Variants in RANBP3L observed in about 807,000 individuals in gnomAD.
RANBP3L encodes ran-binding protein 3-like.
In RANBP3L, 56 loss-of-function variants were observed where a neutral mutation model predicts 67.2. The observed-to-expected ratio is 0.83, with a 90% CI of 0.67 to 1.04. The LOEUF (loss-of-function observed/expected upper bound fraction) is 1.04, where lower values mean the gene tolerates loss of function less well. Among genes scored for constraint, RANBP3L ranks in the 50% least tolerant of loss-of-function variants. The pLI is 0.00. For synonymous variants in RANBP3L, 164 were observed against 181.4 expected, an observed-to-expected ratio of 0.90 and a Z score of 0.77; for missense variants, 496 against 535.5, an observed-to-expected ratio of 0.93 and a Z score of 0.73.
At position 36,256,809 on chromosome 5, in the gene RANBP3L, AT is replaced by A. The variant is rs1277429075; in HGVS notation, c.903+131del. ...GGTTCAATTTTTGAGAGCATCCAAC[AT>A]TTTTATTTAAGCAACTTAGTCTCCA... On this transcript the variant is annotated intron_variant, in intron 10 of 13. Coordinates refer to ENST00000296604, the MANE Select transcript of RANBP3L (RefSeq NM_145000.5). The A allele has an allele frequency of 3.1e-5, 24 of 779,914 alleles. No homozygotes were observed. In the African/African-American group the frequency reaches 3.9e-4, roughly 13 times the overall value. 48.3% of individuals were successfully genotyped at this position (779,914 alleles called of 1,614,324 possible). A position where few individuals can be genotyped will look rare whatever the true frequency, so the allele number is the denominator to read the frequency against.
In RANBP3L at chr5:36,265,483, C is replaced by T; in HGVS notation, c.306G>A (p.Val102=). The part of the protein sequence containing the change: ...KNNVFMTSAL[V]QSSVDIKSAE... ...CACTCTTTATATCAACACTACTTTGCACAAGAGCTGATGTCATAAAAACAT... is the reference window on the plus strand; with the variant it reads ...CACTCTTTATATCAACACTACTTTGTACAAGAGCTGATGTCATAAAAACAT... The change falls in exon 5 of 14, where the codon GTG becomes GTA. Residue 102 remains valine (V), a synonymous_variant. Transcript: ENST00000296604. 6.2e-7 allele frequency: 1 copy of T among 1,605,858 alleles called. No homozygotes were observed. Among genetic ancestry groups the T allele is most frequent in the Non-Finnish European group, 8.5e-7 (1 of 1,174,426 alleles).
At position 36,248,452 on chromosome 5, in the gene RANBP3L, T is replaced by C. The variant is rs1286332933; in HGVS notation, c.*1202A>G. ...GCTGAAGTTTGACTTAATAAATACTTATATATTTTTATTATTTTATAACAG... is the reference window on the plus strand; with the variant it reads ...GCTGAAGTTTGACTTAATAAATACTCATATATTTTTATTATTTTATAACAG... On this transcript the variant is annotated 3_prime_UTR_variant, in exon 14 of 14. Transcript: ENST00000296604. 1.3e-5 allele frequency: 2 copies of C among 152,184 alleles called. No individual in the cohort carries two copies. Among genetic ancestry groups the C allele is most frequent in the African/African-American group, 2.4e-5 (1 of 41,470 alleles). The allele number at this position is 152,184 out of a possible 1,614,324, so 9.4% of individuals were successfully genotyped here.
At position 36,265,046 on chromosome 5, in the gene RANBP3L, A is replaced by C. The variant is rs1303252880; in HGVS notation, c.393T>G (p.Pro131=). 2 of 1,612,806 alleles carry C rather than the reference A, an allele frequency of 1.2e-6. No homozygotes were observed. Among genetic ancestry groups the C allele is most frequent in the African/African-American group, 2.7e-5 (2 of 74,892 alleles). The change falls in exon 6 of 14, where the codon CCT becomes CCG. Residue 131 remains proline, a synonymous_variant. Coordinates refer to ENST00000296604, the MANE Select transcript of RANBP3L (RefSeq NM_145000.5). The stretch of plus-strand genomic sequence containing the variant: ...TTACTTTTGCACAACTTCGAGCTTG[A>C]GGTAGCTGCAAAATAGCAGGTCTAA... ...HVIRPAILQL[P]QARSCAKVRK...
At chr5:36,273,357 G>C (rs1750357160) in intron 1 of RANBP3L, among the ~76,000 whole-genome samples, 1 of 152,160 alleles carries the variant, frequency 6.6e-6, no homozygotes, top group Non-Finnish European at 1.5e-5. Flanking sequence ...GTCACAAAGA[G>C]TACTTGCAGC....
intron 5 of RANBP3L, 70 bp downstream of exon 5, chr5:36,265,379 A>G (rs779576340): frequency 4.5e-5 from 46 of 1,015,644 alleles, no homozygotes; most frequent in Middle Eastern, 2.1e-4. Flanking sequence ...ACACGCACAC[A>G]TATAGGGAGA....
chr5:36,295,609 A>G (rs1752150915), intron 1 of RANBP3L, among the ~76,000 whole-genome samples: 1 of 149,750 alleles, frequency 6.7e-6, no homozygotes, highest in Non-Finnish European at 1.5e-5. Context: ...CCACCATTTT[A>G]TCTCCTGCAA....
intron 8 of RANBP3L, 31 bp downstream of exon 8, chr5:36,260,749 A>G (rs1231420473): frequency 2.1e-6 from 2 of 938,238 alleles, no homozygotes; most frequent in Admixed American, 2.0e-5. Flanking sequence ...AGCTCTGTAT[A>G]TAGTAATAGA....
At chr5:36,259,989 G>A (rs2111735021) in intron 8 of RANBP3L, among the ~76,000 whole-genome samples, 1 of 152,218 alleles carries the variant, frequency 6.6e-6, no homozygotes, top group Admixed American at 6.5e-5. Context: ...AAAGCACTAT[G>A]AATTTTCTCT....
chr5:36,281,687 T>G lies in RANBP3L; in HGVS notation c.92-10376A>C, dbSNP rs138996430. On this transcript the variant is annotated intron_variant, in intron 1 of 13. Transcript: ENST00000296604. ...TCTATAAAACACTGCAAGATGCTTC[T>G]GTTATTCTTGCCATTATTTGTACAC... Among the ~76,000 whole-genome samples, 370 of 152,324 alleles carry G rather than the reference T, an allele frequency of 2.4e-3. 1 individual carries two copies. Among genetic ancestry groups the G allele is most frequent in the African/African-American group, 8.4e-3 (351 of 41,582 alleles).
chr5:36,281,881 C>T (rs1038887805), intron 1 of RANBP3L, among the ~76,000 whole-genome samples: 3 of 152,120 alleles, frequency 2.0e-5, no homozygotes, highest in Non-Finnish European at 2.9e-5. Context: ...AATTTGAAGG[C>T]GTTACTTTGT....
chr5:36,271,001 T>G (rs1750168456), intron 2 of RANBP3L, among the ~76,000 whole-genome samples: 1 of 152,200 alleles, frequency 6.6e-6, no homozygotes, highest in South Asian at 2.1e-4. Flanking sequence ...CCTTTTCAAG[T>G]TACTCCAAAT....
intron 1 of RANBP3L, among the ~76,000 whole-genome samples, chr5:36,294,385 TTG>T (rs1163867096): frequency 6.6e-6 from 1 of 152,080 alleles, no homozygotes; most frequent in Non-Finnish European, 1.5e-5. Context: ...GAAGGGTTTT[TTG>T]TGTCTCTATT....
chr5:36,273,310 T>C (rs574530672), intron 1 of RANBP3L, among the ~76,000 whole-genome samples: 1 of 152,116 alleles, frequency 6.6e-6, no homozygotes, highest in Non-Finnish European at 1.5e-5. Flanking sequence ...ACTAAAAATG[T>C]GCAAAAGTGA....
rs750513007 is a variant in RANBP3L, at chr5:36,251,416, A to C, written c.1251T>G (p.Asp417Glu). The change falls in exon 13 of 14, where the codon GAT (aspartate) becomes GAG (glutamate). Residue 417 changes from aspartate to glutamate, a missense_variant. Transcript: ENST00000296604. Reference sequence around the variant, plus strand: ...CTGACAGGCTTTCAGCTTGATTGACATCTCTCTGCTTATTGAAGCTTTGAA... The same window carrying C: ...CTGACAGGCTTTCAGCTTGATTGACCTCTCTCTGCTTATTGAAGCTTTGAA... ...VALQSFNKQR[D>E]VNQAESLSET... is the part of the protein sequence containing the mutation. The C allele has an allele frequency of 6.2e-7, 1 of 1,613,268 alleles. No individual in the cohort carries two copies. Among genetic ancestry groups the C allele is most frequent in the Non-Finnish European group, 8.5e-7 (1 of 1,179,472 alleles).
Position 36,282,038 on chromosome 5 carries a change from A to G in RANBP3L, c.92-10727T>C, listed in dbSNP as rs554180840. On this transcript the variant is annotated intron_variant, in intron 1 of 13. Coordinates refer to ENST00000296604, the MANE Select transcript of RANBP3L (RefSeq NM_145000.5). ...CTTTCTCTACACTACTCCCTTATTT[A>G]GGCCCAAGGGCTCAGAAAGTTGCAG... Among the ~76,000 whole-genome samples, 3 of 152,330 alleles carry G rather than the reference A, an allele frequency of 2.0e-5. No homozygotes were observed. The South Asian group carries it at 6.2e-4, about 32-fold the overall frequency.
chr5:36,268,853 C>A, intron 4 of RANBP3L, among the ~76,000 whole-genome samples: 1 of 151,992 alleles, frequency 6.6e-6, no homozygotes, highest in Non-Finnish European at 1.5e-5. Flanking sequence ...GGACTAGAGG[C>A]ACCTGCCACC....
intron 7 of RANBP3L, among the ~76,000 whole-genome samples, chr5:36,261,226 C>A (rs942682662): frequency 2.6e-5 from 4 of 152,088 alleles, no homozygotes; most frequent in African/African-American, 9.7e-5. Flanking sequence ...TTTTAGCAAC[C>A]AGAGATCTCC....
At chr5:36,297,488 C>T (rs1037529192) in intron 1 of RANBP3L, among the ~76,000 whole-genome samples, 1 of 151,726 alleles carries the variant, frequency 6.6e-6, no homozygotes, top group Non-Finnish European at 1.5e-5. Context: ...CCTGAAGAAG[C>T]TTGACTACAC....
chr5:36,297,383 G>T (rs1212496906), intron 1 of RANBP3L, among the ~76,000 whole-genome samples: 1 of 151,158 alleles, frequency 6.6e-6, no homozygotes, highest in Non-Finnish European at 1.5e-5. Context: ...CATATAAGTG[G>T]ATCTGAACAG....
Sources: allele counts gnomAD v4.1 joint callset (sites outside exome capture counted in the v4.1 genomes callset), GRCh38; gene constraint gnomAD v4.1.1; transcripts MANE v1.5; gene names NCBI Gene and HGNC (gene_info 2026-07-23, HGNC 2026-07-21).